PICALM: variants seen among roughly 807,000 people sequenced by gnomAD.
The protein encoded by PICALM is phosphatidylinositol-binding clathrin assembly protein.
A neutral mutation model predicts 80.5 loss-of-function variants in PICALM; 40 were observed. The observed-to-expected ratio is 0.50, with a 90% CI of 0.39 to 0.65. PICALM has a LOEUF of 0.65. Among genes scored for constraint, PICALM ranks in the 30% least tolerant of loss-of-function variants. PICALM has a pLI of 0.00. For missense variants in PICALM, 676 were observed against 778.9 expected, an observed-to-expected ratio of 0.87 and a Z score of 1.57; for synonymous variants, 288 against 260.3, an observed-to-expected ratio of 1.11 and a Z score of -1.02.
intron 7 of PICALM, among the ~76,000 whole-genome samples, chr11:86,008,925 C>G (rs56144105): frequency 8.5e-6 from 1 of 118,050 alleles, no homozygotes; most frequent in Non-Finnish European, 1.7e-5. Flanking sequence ...AGACCCCGTT[C>G]TCCAGAAAAA....
intron 4 of PICALM, among the ~76,000 whole-genome samples, chr11:86,020,770 A>G (rs1416289553): frequency 6.6e-6 from 1 of 152,254 alleles, no homozygotes; most frequent in African/African-American, 2.4e-5. Context: ...GGCAAAAAAT[A>G]CAAGATTCTT....
chr11:86,035,947 C>CAAAAAAAA (rs543040504), intron 1 of PICALM, among the ~76,000 whole-genome samples: 1 of 66,498 alleles, frequency 1.5e-5, no homozygotes, highest in Admixed American at 1.7e-4. Context: ...GACTCTGCCT[C>CAAAAAAAA]AAAAAAAAAA....
At chr11:85,974,108 G>A (rs2094197470) in intron 19 of PICALM, among the ~76,000 whole-genome samples, 2 of 152,084 alleles carry the variant, frequency 1.3e-5, no homozygotes, top group South Asian at 4.1e-4. Context: ...TATTTATGGT[G>A]TATTTTCAGG....
intron 11 of PICALM, among the ~76,000 whole-genome samples, chr11:85,998,002 G>A (rs1305809218): frequency 2.0e-5 from 3 of 151,196 alleles, no homozygotes; most frequent in African/African-American, 4.9e-5. Flanking sequence ...GGCTGGCCTC[G>A]AACTCCTGAC....
chr11:85,964,932 C>G (rs955119195), intron 19 of PICALM, among the ~76,000 whole-genome samples: 1 of 152,090 alleles, frequency 6.6e-6, no homozygotes, highest in African/African-American at 2.4e-5. Context: ...TACAACTGTC[C>G]TATTTTTAAA....
At position 85,996,860 on chromosome 11, in the gene PICALM, C is replaced by T; in HGVS notation, c.1224G>A (p.Met408Ile). The change falls in exon 12 of 20, where the codon ATG becomes ATA. Residue 408 changes from methionine to isoleucine, a missense_variant. By Grantham distance (10) the Met-to-Ile change is conservative. This residue lies in a region of PICALM where 391 missense variants were observed against 383.6 expected (regional missense o/e 1.02). Transcript: ENST00000393346. ...TACTTGCTACCTGAGAAGCAGTTGA[C>T]ATAGGATGTACAGATGGGTGAAAAG... Reference protein sequence around the residue: ...QPTFHPSVHPMSTASQVASTW... With the variant: ...QPTFHPSVHPISTASQVASTW... 6.2e-7 allele frequency: 1 copy of T among 1,611,972 alleles called. No homozygotes were observed. The highest frequency in any genetic ancestry group is 8.5e-7 in the Non-Finnish European group (1 of 1,178,406).
chr11:86,017,423 G>C (rs186188516), intron 4 of PICALM, among the ~76,000 whole-genome samples: 287 of 152,174 alleles, frequency 1.9e-3, no homozygotes, highest in Non-Finnish European at 3.5e-3. Context: ...AGATTGTAAA[G>C]CTTTTAACAA....
intron 6 of PICALM, 101 bp downstream of exon 6, chr11:86,012,180 T>A: frequency 1.8e-6 from 1 of 545,772 alleles, no homozygotes; most frequent in Non-Finnish European, 3.2e-6. Flanking sequence ...AATGAATATA[T>A]CATAATAAAT....
Position 86,000,659 on chromosome 11 carries a change from G to A in PICALM, c.1138C>T (p.Pro380Ser). The A allele has an allele frequency of 6.2e-7, 1 of 1,611,970 alleles. No individual in the cohort carries two copies. The highest frequency in any genetic ancestry group is 1.1e-5 in the South Asian group (1 of 90,970). Residue 380 changes from proline to serine, a missense_variant, in exon 11 of 20, where the codon CCT becomes TCT. Around this residue, in one of 2 missense-constraint regions of PICALM, gnomAD observed 391 missense variants for 383.6 expected, o/e 1.02. Coordinates refer to ENST00000393346, the MANE Select transcript of PICALM (RefSeq NM_007166.4). ...TACTCCTACCTGTTAGAAGAACTAG[G>A]GGTAGAAAATATGTCAATGGCTGGT... is the stretch of plus-strand genomic sequence containing the variant. ...TAPAIDIFST[P>S]SSSNSTSKLP...
intron 12 of PICALM, among the ~76,000 whole-genome samples, chr11:85,994,618 A>G (rs1325310113): frequency 6.6e-6 from 1 of 152,252 alleles, no homozygotes; most frequent in Non-Finnish European, 1.5e-5. Flanking sequence ...TAACAGCAGC[A>G]TTATATGTAA....
intron 1 of PICALM, among the ~76,000 whole-genome samples, chr11:86,052,709 T>C (rs1474718467): frequency 1.3e-5 from 2 of 152,188 alleles, no homozygotes; most frequent in Admixed American, 6.5e-5. Context: ...TTTTGAAAAA[T>C]TGGCTCTAAC....
intron 4 of PICALM, among the ~76,000 whole-genome samples, chr11:86,017,222 C>CAAAAAAAA (rs11326179): frequency 1.5e-5 from 2 of 137,016 alleles, no homozygotes; most frequent in Non-Finnish European, 1.6e-5. Flanking sequence ...GACTCTGTCT[C>CAAAAAAAA]AAAAAAAAAA....
chr11:85,997,532 G>T (rs564618434), intron 11 of PICALM, among the ~76,000 whole-genome samples: 3 of 152,156 alleles, frequency 2.0e-5, no homozygotes. Flanking sequence ...GTGCAGCGGC[G>T]TGATCTTGGC....
At chr11:86,009,000 T>C (rs941770785) in intron 7 of PICALM, among the ~76,000 whole-genome samples, 2 of 150,212 alleles carry the variant, frequency 1.3e-5, no homozygotes, top group Admixed American at 6.6e-5. Context: ...ACTCTTCATA[T>C]TTTTCTTAAA....
intron 13 of PICALM, among the ~76,000 whole-genome samples, chr11:85,989,259 A>G (rs1185424859): frequency 2.0e-5 from 3 of 152,216 alleles, no homozygotes; most frequent in Non-Finnish European, 1.5e-5. Context: ...GTTTTAAGCT[A>G]TTAGACTAGT....
At chr11:85,974,186 G>C (rs2094199257) in intron 19 of PICALM, among the ~76,000 whole-genome samples, 1 of 152,176 alleles carries the variant, frequency 6.6e-6, no homozygotes, top group Admixed American at 6.6e-5. Context: ...TCTAAGTTTA[G>C]CATGACATTT....
chr11:85,960,168 G>C (rs1349790450), intron 19 of PICALM, among the ~76,000 whole-genome samples: 2 of 150,792 alleles, frequency 1.3e-5, no homozygotes, highest in Non-Finnish European at 2.9e-5. Context: ...TTCATTCAAA[G>C]ATATTTCACT....
chr11:86,068,878 C>G lies in PICALM; in HGVS notation c.-98G>C. On this transcript the variant is annotated 5_prime_UTR_variant, in exon 1 of 20. Coordinates refer to ENST00000393346, the MANE Select transcript of PICALM (RefSeq NM_007166.4). The stretch of plus-strand genomic sequence containing the variant: ...CCCACCCCCCACCGCACCCCCTACC[C>G]CCACCGGCTCCTTCCCCGCCTGCCG... 1 of 1,419,710 alleles carries G rather than the reference C, an allele frequency of 7.0e-7. No homozygotes were observed. The highest frequency in any genetic ancestry group is 1.5e-5 in the South Asian group (1 of 68,906). 87.9% of individuals were successfully genotyped at this position (1,419,710 alleles called of 1,614,324 possible).
chr11:86,042,589 A>C (rs2095993243), intron 1 of PICALM, among the ~76,000 whole-genome samples: 1 of 151,898 alleles, frequency 6.6e-6, no homozygotes, highest in African/African-American at 2.4e-5. Flanking sequence ...AAAATTACAA[A>C]CACTTTTTTG....
Sources: gnomAD v4.1 joint callset for allele counts (sites outside exome capture counted in the v4.1 genomes callset) on GRCh38, gnomAD v4.1.1 for gene constraint, gnomAD v4.1.1 regional missense constraint, MANE v1.5 for transcripts, NCBI Gene and HGNC (gene_info 2026-07-23, HGNC 2026-07-21) for gene names.